KLRG1: variants seen among roughly 807,000 people sequenced by gnomAD.
KLRG1 encodes killer cell lectin like receptor G1.
KLRG1 carries 16 observed loss-of-function variants against 21.8 expected under a neutral mutation model. That is an observed-to-expected ratio of 0.73 (90% CI 0.50 to 1.11). The LOEUF is 1.11. KLRG1 is among the 50% of genes most tolerant of loss of function. KLRG1 has a pLI of 0.00. For missense variants in KLRG1, 173 were observed against 218.3 expected, an observed-to-expected ratio of 0.79 and a Z score of 1.31; for synonymous variants, 69 against 75.9, an observed-to-expected ratio of 0.91 and a Z score of 0.47.
the KLRG1 span, among the ~76,000 whole-genome samples, chr12:9,075,934 T>G: frequency 2.6e-5 from 4 of 152,230 alleles, no homozygotes; most frequent in Non-Finnish European, 4.4e-5. Flanking sequence ...AAAATATTTC[T>G]CAATACATTT....
chr12:9,017,264 C>CAAAAAAAAAAAA, the KLRG1 span, among the ~76,000 whole-genome samples: 1 of 53,130 alleles, frequency 1.9e-5, no homozygotes, highest in Non-Finnish European at 3.2e-5. Flanking sequence ...AACTCCATCT[C>CAAAAAAAAAAAA]AAAAAAAAAA....
At chr12:9,154,034 G>A in the KLRG1 span, among the ~76,000 whole-genome samples, 8 of 152,344 alleles carry the variant, frequency 5.3e-5, no homozygotes, top group East Asian at 1.5e-3. Context: ...GTTCCTTGGA[G>A]TAGTTGAAAT....
At chr12:8,973,220 A>C (rs937581287) in intron 1 of KLRG1, among the ~76,000 whole-genome samples, 2 of 151,090 alleles carry the variant, frequency 1.3e-5, no homozygotes, top group African/African-American at 4.9e-5. Context: ...TAAAGATTGC[A>C]TTTAATCTGT....
chr12:8,977,549 G>A lies in KLRG1; in HGVS notation c.-155-14657G>A, dbSNP rs149106691. Among the ~76,000 whole-genome samples the A allele has an allele frequency of 1.8e-3, 280 of 152,100 alleles. 2 individuals carry two copies. The highest frequency in any genetic ancestry group is 2.8e-3 in the Non-Finnish European group (190 of 67,972). ...GTTTTAAAATCTAATCAGCCTGTATGCCTTTTGATTGGGGATTTTATTTAC... is the reference window on the plus strand; with the variant it reads ...GTTTTAAAATCTAATCAGCCTGTATACCTTTTGATTGGGGATTTTATTTAC... On this transcript the variant is annotated intron_variant, in intron 1 of 4. Transcript: ENST00000539240.
the KLRG1 span, chr12:9,203,825 C>T: frequency 6.2e-7 from 1 of 1,614,100 alleles, no homozygotes; most frequent in Non-Finnish European, 8.5e-7. Context: ...TGAAGAGGCT[C>T]CTGTTTTCCC....
At chr12:8,954,290 G>T (rs1946253384) in intron 1 of KLRG1, among the ~76,000 whole-genome samples, 1 of 152,006 alleles carries the variant, frequency 6.6e-6, no homozygotes, top group Non-Finnish European at 1.5e-5. Context: ...GGGGAAATGG[G>T]AAGATGTAGG....
the KLRG1 span, among the ~76,000 whole-genome samples, chr12:9,154,254 T>C: frequency 6.6e-5 from 10 of 152,328 alleles, no homozygotes; most frequent in South Asian, 2.1e-3. Context: ...AGGGATACTA[T>C]TGAATATTTT....
chr12:9,153,516 C>T, the KLRG1 span, among the ~76,000 whole-genome samples: 1 of 152,204 alleles, frequency 6.6e-6, no homozygotes, highest in South Asian at 2.1e-4. Context: ...CAAAATCATG[C>T]TGCAGTTTCT....
rs117384861 is a variant in KLRG1 at position 8,967,823 on chromosome 12, T to A, written c.-156+17587T>A. On this transcript the variant is annotated intron_variant, in intron 1 of 4. Coordinates refer to the KLRG1 transcript ENST00000539240. ...ACGGCCAGGGAAAGGGAGATGGGTATACTATTGTAAAGTTCACTTCATATA... is the reference window on the plus strand; with the variant it reads ...ACGGCCAGGGAAAGGGAGATGGGTAAACTATTGTAAAGTTCACTTCATATA... 3.4e-3 allele frequency among the ~76,000 whole-genome samples: 523 copies of A among 152,274 alleles called. 2 individuals are homozygous for A. The highest frequency in any genetic ancestry group is 0.027 in the Middle Eastern group (8 of 294).
the KLRG1 span, chr12:9,052,943 T>G: frequency 2.5e-6 from 1 of 407,282 alleles, no homozygotes. Flanking sequence ...CTACATTTTT[T>G]TAATCTCCTT....
the KLRG1 span, among the ~76,000 whole-genome samples, chr12:9,035,592 T>TA: frequency 0.053 from 5,765 of 107,886 alleles, 159 homozygotes; most frequent in African/African-American, 0.11. Flanking sequence ...GAACTTAAAG[T>TA]AAAAAAAAAA....
At chr12:9,102,250 C>G in the KLRG1 span, among the ~76,000 whole-genome samples, 7 of 152,154 alleles carry the variant, frequency 4.6e-5, no homozygotes, top group Non-Finnish European at 7.4e-5. Context: ...GGGTTTTGCT[C>G]TGGCGCCCAT....
At chr12:9,069,849 T>C in the KLRG1 span, 4 of 1,590,172 alleles carry the variant, frequency 2.5e-6, no homozygotes, top group South Asian at 2.2e-5. Context: ...TGTTAATAAA[T>C]AGATGAAACC....
the KLRG1 span, chr12:9,127,699 T>C: frequency 6.2e-6 from 1 of 161,116 alleles, no homozygotes; most frequent in Non-Finnish European, 1.4e-5. Context: ...TCTGGGGCTA[T>C]GGCAGCGGCG....
the KLRG1 span, chr12:9,098,557 T>C: frequency 6.4e-7 from 1 of 1,553,390 alleles, no homozygotes; most frequent in Non-Finnish European, 8.7e-7. Context: ...TTCCTTGCTC[T>C]GAGCCCCTGG....
At chr12:9,137,471 T>A in the KLRG1 span, among the ~76,000 whole-genome samples, 1 of 152,156 alleles carries the variant, frequency 6.6e-6, no homozygotes, top group Non-Finnish European at 1.5e-5. Flanking sequence ...GTCCTCCAGC[T>A]TTCTTCTTCT....
At chr12:9,064,023 G>A in the KLRG1 span, among the ~76,000 whole-genome samples, 2 of 152,126 alleles carry the variant, frequency 1.3e-5, no homozygotes, top group Non-Finnish European at 2.9e-5. This position sits in a 1 kb window ranked among gnomAD's most constrained non-coding sequence, Gnocchi z 4.0. Context: ...GCCATACTCT[G>A]ATTTCTTTTA....
the KLRG1 span, among the ~76,000 whole-genome samples, chr12:9,158,155 A>G: frequency 6.6e-6 from 1 of 152,100 alleles, no homozygotes; most frequent in Non-Finnish European, 1.5e-5. Context: ...GGGTCTTGCT[A>G]TGTTGCCCAG....
chr12:9,121,146 A>G, the KLRG1 span, among the ~76,000 whole-genome samples: 1 of 152,092 alleles, frequency 6.6e-6, no homozygotes, highest in African/African-American at 2.4e-5. This position sits in a 1 kb window ranked among gnomAD's most constrained non-coding sequence, Gnocchi z 4.4. Flanking sequence ...TCGGCCCCGC[A>G]AAGTGTTAGG....
Sources: gnomAD v4.1 joint callset for allele counts (sites outside exome capture counted in the v4.1 genomes callset) on GRCh38, gnomAD v4.1.1 for gene constraint, Gnocchi (gnomAD v3.1) non-coding constraint, MANE v1.5 for transcripts, NCBI Gene and HGNC (gene_info 2026-07-23, HGNC 2026-07-21) for gene names.